The following GPC6 variants were observed in gnomAD, a reference collection of about 807,000 sequenced individuals.
The protein encoded by GPC6 is glypican 6, also known as glypican-6.
A neutral mutation model predicts 55.2 loss-of-function variants in GPC6; 14 were observed. The ratio of observed to expected loss-of-function variants is 0.25; its 90% CI spans 0.17 to 0.40. The LOEUF is 0.40. GPC6 is among the 10% of genes least tolerant of loss of function. GPC6 has a pLI of 1.00. For synonymous variants in GPC6, 278 were observed against 259.6 expected (o/e 1.07, Z -0.68); for missense variants, 641 against 708.5 (o/e 0.90, Z 1.08).
At chr13:93,587,165 T>C (rs1158322969) in intron 2 of GPC6, among the ~76,000 whole-genome samples, 2 of 152,110 alleles carry the variant, frequency 1.3e-5, no homozygotes, top group African/African-American at 2.4e-5. Context: ...TCGTTTTTTG[T>C]CATCTGTAAA....
At chr13:93,681,047 T>A (rs1257359699) in intron 2 of GPC6, among the ~76,000 whole-genome samples, 1 of 152,204 alleles carries the variant, frequency 6.6e-6, no homozygotes, top group Non-Finnish European at 1.5e-5. Flanking sequence ...GATATGGCTG[T>A]GTCTTATGTC....
At chr13:93,322,168 A>G (rs1879466508) in intron 1 of GPC6, among the ~76,000 whole-genome samples, 1 of 152,158 alleles carries the variant, frequency 6.6e-6, no homozygotes, top group Admixed American at 6.6e-5. Flanking sequence ...TAAAACTTTT[A>G]AGTTCAAGGG....
intron 4 of GPC6, among the ~76,000 whole-genome samples, chr13:94,212,054 T>A (rs1018039957): frequency 1.3e-5 from 2 of 152,230 alleles, no homozygotes; most frequent in African/African-American, 4.8e-5. Context: ...CACCCTTTTT[T>A]ATATCCAATT....
At chr13:94,072,942 G>GAA (rs1884787859) in intron 4 of GPC6, among the ~76,000 whole-genome samples, 1 of 152,152 alleles carries the variant, frequency 6.6e-6, no homozygotes, top group Non-Finnish European at 1.5e-5. Flanking sequence ...GAGAGTGGAA[G>GAA]GCATGCAAGA....
intron 2 of GPC6, among the ~76,000 whole-genome samples, chr13:93,571,416 G>T (rs1317654338): frequency 1.3e-5 from 2 of 151,996 alleles, no homozygotes; most frequent in Admixed American, 1.3e-4. Context: ...AGCTGAAATT[G>T]GTTCACTTAA....
Position 93,467,442 on chromosome 13 carries a change from A to C in GPC6, c.161-77821A>C, listed in dbSNP as rs184465350. On this transcript the variant is annotated intron_variant, in intron 1 of 8. Transcript: ENST00000377047. The stretch of plus-strand genomic sequence containing the variant: ...ACATATGGACTCCTCGTGGAGCATG[A>C]GGCTTGTAACCAGGATGACTGTCAT... Among the ~76,000 whole-genome samples the C allele has an allele frequency of 2.7e-3, 417 of 152,212 alleles. 1 individual carries two copies. Among genetic ancestry groups the C allele is most frequent in the African/African-American group, 9.6e-3 (397 of 41,526 alleles).
rs1414550175 is a variant in GPC6 at position 93,780,621 on chromosome 13, A to G, written c.320-49533A>G. Among the ~76,000 whole-genome samples the G allele has an allele frequency of 2.6e-5, 4 of 151,904 alleles. No homozygotes were observed. The East Asian group carries it at 7.7e-4, about 29-fold the overall frequency. ...CACACACACACACACACACACACAC[A>G]CACACACACAAAATAAAATTTTAAG... On this transcript the variant is annotated intron_variant, in intron 2 of 8. Coordinates refer to ENST00000377047, the MANE Select transcript of GPC6 (RefSeq NM_005708.5).
intron 4 of GPC6, among the ~76,000 whole-genome samples, chr13:94,238,003 T>C (rs1890932655): frequency 6.6e-6 from 1 of 151,966 alleles, no homozygotes; most frequent in Non-Finnish European, 1.5e-5. Context: ...TGCAGGATAG[T>C]TTTTGGAAGA....
chr13:94,354,067 C>T (rs1878677333), intron 6 of GPC6, among the ~76,000 whole-genome samples: 1 of 152,194 alleles, frequency 6.6e-6, no homozygotes, highest in Non-Finnish European at 1.5e-5. Flanking sequence ...ATAAAGACAA[C>T]ATCATGGTTC....
At chr13:94,199,240 G>A (rs994247606) in intron 4 of GPC6, among the ~76,000 whole-genome samples, 2 of 152,206 alleles carry the variant, frequency 1.3e-5, no homozygotes, top group Non-Finnish European at 2.9e-5. Flanking sequence ...GAAAAGATGG[G>A]AAAGTCAAAA....
intron 4 of GPC6, among the ~76,000 whole-genome samples, chr13:94,245,337 T>C (rs1265031654): frequency 6.6e-6 from 1 of 151,692 alleles, no homozygotes; most frequent in East Asian, 1.9e-4. Context: ...GGCGGGAGAA[T>C]TTCATGAGGT....
chr13:93,314,041 A>G (rs1042256745), intron 1 of GPC6, among the ~76,000 whole-genome samples: 1 of 152,144 alleles, frequency 6.6e-6, no homozygotes, highest in East Asian at 1.9e-4. Flanking sequence ...TTAAGTTTGA[A>G]GTTAGATGCA....
chr13:94,398,697 G>T (rs917436923), intron 8 of GPC6, 56 bp downstream of exon 8: 5 of 1,429,748 alleles, frequency 3.5e-6, no homozygotes, highest in Non-Finnish European at 4.9e-6. Context: ...GGTTTTAGAA[G>T]ATGATGCCCT....
At chr13:93,898,976 T>C (rs1234825981) in intron 3 of GPC6, among the ~76,000 whole-genome samples, 17 of 139,620 alleles carry the variant, frequency 1.2e-4, no homozygotes, top group Middle Eastern at 3.7e-3. Flanking sequence ...TACACACACA[T>C]ATATATACAT....
intron 2 of GPC6, among the ~76,000 whole-genome samples, chr13:93,825,335 C>T (rs1887193637): frequency 6.6e-6 from 1 of 152,144 alleles, no homozygotes; most frequent in African/African-American, 2.4e-5. Context: ...AAGAATTATC[C>T]AGCTCAAAAT....
intron 4 of GPC6, among the ~76,000 whole-genome samples, chr13:94,275,470 T>C (rs1892173689): frequency 6.6e-6 from 1 of 151,910 alleles, no homozygotes; most frequent in African/African-American, 2.4e-5. Flanking sequence ...ATGAGGCCAG[T>C]GAGTGAAAAT....
chr13:93,666,879 TA>T (rs1180139173), intron 2 of GPC6, among the ~76,000 whole-genome samples: 1 of 152,196 alleles, frequency 6.6e-6, no homozygotes, highest in Non-Finnish European at 1.5e-5. Flanking sequence ...TCTGTATATT[TA>T]ACTGTGGAAA....
intron 3 of GPC6, among the ~76,000 whole-genome samples, chr13:94,021,506 A>G (rs1412899017): frequency 1.3e-5 from 2 of 152,020 alleles, no homozygotes; most frequent in Non-Finnish European, 2.9e-5. Context: ...ACTTGCTAAA[A>G]CATTTTGACA....
intron 4 of GPC6, among the ~76,000 whole-genome samples, chr13:94,269,756 C>A (rs1179297254): frequency 1.3e-5 from 2 of 152,124 alleles, no homozygotes; most frequent in Non-Finnish European, 2.9e-5. Flanking sequence ...GGACACCTGC[C>A]CAATACTCCT....
Sources: allele counts gnomAD v4.1 joint callset (sites outside exome capture counted in the v4.1 genomes callset), GRCh38; gene constraint gnomAD v4.1.1; transcripts MANE v1.5; gene names NCBI Gene and HGNC (gene_info 2026-07-23, HGNC 2026-07-21).